SCAPER: variants seen among roughly 807,000 people sequenced by gnomAD.
The protein encoded by SCAPER is S phase cyclin A-associated protein in the endoplasmic reticulum.
In SCAPER, 98 loss-of-function variants were observed where a neutral mutation model predicts 182.2. The observed-to-expected ratio is 0.54, with a 90% CI of 0.46 to 0.64. The LOEUF is 0.64. SCAPER is among the 30% of genes least tolerant of loss of function. The pLI is 0.00. For missense variants in SCAPER, 1,432 were observed against 1,690.0 expected, an observed-to-expected ratio of 0.85 and a Z score of 2.68; for synonymous variants, 605 against 564.6, an observed-to-expected ratio of 1.07 and a Z score of -1.01.
At chr15:76,607,755 A>T (rs947369377) in intron 22 of SCAPER, among the ~76,000 whole-genome samples, 16 of 137,894 alleles carry the variant, frequency 1.2e-4, no homozygotes, top group African/African-American at 3.7e-4. Flanking sequence ...TTCTCGCTTC[A>T]TTTCATTCAT....
chr15:76,645,906 T>A (rs2054507294), intron 21 of SCAPER, among the ~76,000 whole-genome samples: 1 of 152,166 alleles, frequency 6.6e-6, no homozygotes, highest in Non-Finnish European at 1.5e-5. Context: ...ACCTCAAAGT[T>A]CTGTCAGAAT....
rs114272986 is a variant in SCAPER at position 76,687,219 on chromosome 15, A to G, written c.2508+14539T>C. On this transcript the variant is annotated intron_variant, in intron 20 of 31. Coordinates refer to ENST00000563290, the MANE Select transcript of SCAPER (RefSeq NM_020843.4). The stretch of plus-strand genomic sequence containing the variant: ...AAATGAACAAAAACCAATCGGATAA[A>G]AAAGTAAGATTTACATGATAATTAA... Among the ~76,000 whole-genome samples, 1,208 of 152,268 alleles carry G rather than the reference A, an allele frequency of 7.9e-3. 11 individuals carry two copies. Among genetic ancestry groups the G allele is most frequent in the African/African-American group, 0.028 (1,147 of 41,558 alleles).
chr15:76,899,846 A>G (rs1182846555), intron 1 of SCAPER, among the ~76,000 whole-genome samples: 1 of 152,210 alleles, frequency 6.6e-6, no homozygotes, highest in African/African-American at 2.4e-5. Flanking sequence ...AGCTCCGAAG[A>G]GACAGCGACT....
chr15:76,793,700 T>C (rs1329999628), intron 8 of SCAPER, among the ~76,000 whole-genome samples: 1 of 152,228 alleles, frequency 6.6e-6, no homozygotes, highest in East Asian at 1.9e-4. Context: ...TTCTTTATAA[T>C]AAACTGATAA....
At chr15:76,874,976 A>T (rs2073037608) in intron 2 of SCAPER, among the ~76,000 whole-genome samples, 1 of 152,164 alleles carries the variant, frequency 6.6e-6, no homozygotes, top group Non-Finnish European at 1.5e-5. Context: ...TCTCAAAAAA[A>T]TAATAATAAT....
At chr15:76,446,102 C>T (rs550011151) in intron 25 of SCAPER, among the ~76,000 whole-genome samples, 3 of 152,050 alleles carry the variant, frequency 2.0e-5, no homozygotes, top group Non-Finnish European at 4.4e-5. Flanking sequence ...TTCACTTAAT[C>T]GACACAACAC....
intron 17 of SCAPER, among the ~76,000 whole-genome samples, chr15:76,711,074 C>T (rs2059536274): frequency 6.6e-6 from 1 of 152,064 alleles, no homozygotes; most frequent in Non-Finnish European, 1.5e-5. Context: ...GAACTAAATG[C>T]TAAGTGCTAA....
At chr15:76,794,849 T>C (rs1041334629) in intron 8 of SCAPER, among the ~76,000 whole-genome samples, 2 of 152,210 alleles carry the variant, frequency 1.3e-5, no homozygotes, top group Non-Finnish European at 2.9e-5. Flanking sequence ...TCTGATGGTA[T>C]AGAAAATGGA....
At chr15:76,473,411 G>A (rs904615829) in intron 24 of SCAPER, among the ~76,000 whole-genome samples, 5 of 152,220 alleles carry the variant, frequency 3.3e-5, no homozygotes, top group Non-Finnish European at 7.3e-5. Context: ...GAAACTTTTA[G>A]AGCAACAAGG....
intron 23 of SCAPER, among the ~76,000 whole-genome samples, chr15:76,561,316 C>T (rs1320146047): frequency 7.9e-5 from 12 of 152,122 alleles, no homozygotes; most frequent in Admixed American, 7.9e-4. Context: ...TTCTGGTTCT[C>T]AAATATCATT....
intron 4 of SCAPER, among the ~76,000 whole-genome samples, chr15:76,846,477 T>A (rs1331860736): frequency 6.6e-6 from 1 of 152,024 alleles, no homozygotes; most frequent in South Asian, 2.1e-4. Context: ...AACCAGAATA[T>A]ATAAGGAGCT....
chr15:76,857,541 C>A (rs901875985), intron 4 of SCAPER, among the ~76,000 whole-genome samples: 6 of 151,858 alleles, frequency 4.0e-5, no homozygotes, highest in Admixed American at 3.3e-4. Context: ...GTCTCAGTTT[C>A]TTTTTGGAAC....
At chr15:76,795,087 G>C (rs900956108) in intron 8 of SCAPER, among the ~76,000 whole-genome samples, 193 bp downstream of exon 8, 1 of 152,154 alleles carries the variant, frequency 6.6e-6, no homozygotes, top group Admixed American at 6.5e-5. Flanking sequence ...AAACTAGAAT[G>C]ATCTCCATAA....
Position 76,574,202 on chromosome 15 carries a change from A to G in SCAPER, c.2794T>C (p.Leu932=). The change falls in exon 23 of 32, where the codon TTG becomes CTG. Residue 932 remains leucine (L), a synonymous_variant. Transcript: ENST00000563290. ...GTGATCTCTCCTAGGGTCCGATCCA[A>G]AGCAGACACTTTATTGTTTGCCCAT... ...GSWANNKVSA[L]DRTLGEITRI... 1.2e-6 allele frequency: 2 copies of G among 1,610,814 alleles called. No individual in the cohort carries two copies. The highest frequency in any genetic ancestry group is 2.2e-5 in the East Asian group (1 of 44,756).
At chr15:76,738,796 AAT>A (rs1230216794) in intron 15 of SCAPER, among the ~76,000 whole-genome samples, 1 of 152,166 alleles carries the variant, frequency 6.6e-6, no homozygotes, top group East Asian at 1.9e-4. Flanking sequence ...AGATCACCAT[AAT>A]AAATATAATA....
intron 23 of SCAPER, among the ~76,000 whole-genome samples, chr15:76,531,324 C>T (rs1041141476): frequency 1.3e-5 from 2 of 152,102 alleles, no homozygotes; most frequent in African/African-American, 2.4e-5. Flanking sequence ...AAAACACTCC[C>T]TACAAAAACG....
In SCAPER at chr15:76,702,857, T is replaced by C. The variant is rs370823304; in HGVS notation, c.2393A>G (p.Asn798Ser). Reference sequence around the variant, plus strand: ...ATTGATATAACAACCTACCAGGACATTGCAGAGAGAACACTGCTTCTTTCT... The same window carrying C: ...ATTGATATAACAACCTACCAGGACACTGCAGAGAGAACACTGCTTCTTTCT... ...YERKKQCSLC[N>S]VLISSEVYLF... The change falls in exon 19 of 32, where the codon AAT (asparagine) becomes AGT (serine). Residue 798 changes from asparagine (N) to serine (S), a missense_variant. Asn to Ser is a conservative substitution (Grantham distance 46). Around this residue, in one of 5 missense-constraint regions of SCAPER, gnomAD observed 718 missense variants for 799.7 expected, o/e 0.90. Coordinates refer to ENST00000563290, the MANE Select transcript of SCAPER (RefSeq NM_020843.4). The C allele has an allele frequency of 8.7e-6, 14 of 1,603,386 alleles. No individual in the cohort carries two copies. The highest frequency in any genetic ancestry group is 5.4e-5 in the African/African-American group (4 of 74,126).
intron 2 of SCAPER, among the ~76,000 whole-genome samples, chr15:76,869,693 T>C (rs1032174869): frequency 6.6e-6 from 1 of 152,124 alleles, no homozygotes; most frequent in Non-Finnish European, 1.5e-5. Context: ...GAGAACAGTA[T>C]GAAAGTTCCC....
At chr15:76,746,213 ATATAGTTGTCCCTCAGTATCC>A (rs2061785528) in intron 15 of SCAPER, among the ~76,000 whole-genome samples, 2 of 152,228 alleles carry the variant, frequency 1.3e-5, no homozygotes, top group East Asian at 3.9e-4. Flanking sequence ...GATAAAGGAC[ATATAGTTGTCCCTCAGTATCC>A]ATGGGGGATT....
Sources: gnomAD v4.1 joint callset for allele counts (sites outside exome capture counted in the v4.1 genomes callset) on GRCh38, gnomAD v4.1.1 for gene constraint, gnomAD v4.1.1 regional missense constraint, MANE v1.5 for transcripts, NCBI Gene and HGNC (gene_info 2026-07-23, HGNC 2026-07-21) for gene names.